Variants in RP1 observed in about 807,000 individuals in gnomAD.
RP1 encodes oxygen-regulated protein 1.
RP1 carries 16 observed loss-of-function variants against 14.8 expected under a neutral mutation model. The observed-to-expected ratio is 1.08, with a 90% CI of 0.73 to 1.65. The LOEUF (loss-of-function observed/expected upper bound fraction) is 1.65, where lower values mean the gene tolerates loss of function less well. Ranked by LOEUF, RP1 falls within the 40% of genes most tolerant of loss-of-function variation. The pLI, the probability that RP1 is intolerant of heterozygous loss-of-function variation, is 0.00. For missense variants in RP1, 2,631 were observed against 2,535.0 expected, an observed-to-expected ratio of 1.04 and a Z score of -0.81; for synonymous variants, 876 against 883.6, an observed-to-expected ratio of 0.99 and a Z score of 0.15.
intron 24 of RP1, among the ~76,000 whole-genome samples, chr8:54,800,217 C>T (rs1425860386): frequency 6.6e-6 from 1 of 150,816 alleles, no homozygotes; most frequent in Non-Finnish European, 1.5e-5. Context: ...AGTTCTTATC[C>T]TTCCCTCTAT....
intron 1 of RP1, among the ~76,000 whole-genome samples, chr8:54,590,537 C>T (rs1380200295): frequency 6.6e-6 from 1 of 152,190 alleles, no homozygotes; most frequent in East Asian, 1.9e-4. Flanking sequence ...TTGTTTTCCT[C>T]TTACCTTGTT....
intron 1 of RP1, among the ~76,000 whole-genome samples, chr8:54,590,791 CAGAT>C (rs1337732419): frequency 1.3e-5 from 2 of 152,200 alleles, no homozygotes; most frequent in African/African-American, 2.4e-5. Context: ...GCTTCAGACT[CAGAT>C]AGCCAACTGT....
At chr8:54,589,329 T>G (rs767608754) in intron 1 of RP1, among the ~76,000 whole-genome samples, 4 of 152,194 alleles carry the variant, frequency 2.6e-5, no homozygotes, top group Admixed American at 6.5e-5. Flanking sequence ...ATAATTTTTT[T>G]TGGGGGAGAG....
At chr8:54,831,009 A>G (rs1052738276) in intron 24 of RP1, among the ~76,000 whole-genome samples, 2 of 152,012 alleles carry the variant, frequency 1.3e-5, no homozygotes, top group Non-Finnish European at 2.9e-5. Context: ...TTTGAGTTTT[A>G]TCCATGTTGA....
chr8:54,846,316 A>G (rs1032026884), intron 25 of RP1, among the ~76,000 whole-genome samples: 1 of 152,210 alleles, frequency 6.6e-6, no homozygotes, highest in Non-Finnish European at 1.5e-5. Flanking sequence ...CATTGTTTTC[A>G]CCATGATGTG....
At chr8:54,603,311 T>C (rs1166118349) in intron 1 of RP1, among the ~76,000 whole-genome samples, 1 of 152,102 alleles carries the variant, frequency 6.6e-6, no homozygotes, top group Non-Finnish European at 1.5e-5. Context: ...TCCCCATTTC[T>C]TGTTTTTGTC....
chr8:54,588,177 G>T (rs1365059850), intron 1 of RP1, among the ~76,000 whole-genome samples: 1 of 152,176 alleles, frequency 6.6e-6, no homozygotes, highest in East Asian at 1.9e-4. Flanking sequence ...TAGGAAGCTG[G>T]TCCAACGGCA....
chr8:54,627,945 A>G lies in RP1; in HGVS notation c.4063A>G (p.Asn1355Asp), dbSNP rs1214605998. 2.5e-6 allele frequency: 4 copies of G among 1,614,044 alleles called. No individual in the cohort carries two copies. Among genetic ancestry groups the G allele is most frequent in the Middle Eastern group, 1.7e-4 (1 of 6,058 alleles). ...CTCCAAAGAAAACACATATACTGAT[A>G]ACTTGGATTCAACTGAAGAGTTAGA... is the stretch of plus-strand genomic sequence containing the variant. ...LNSKENTYTD[N>D]LDSTEELERG... Residue 1355 changes from asparagine (N) to aspartate (D), a missense_variant, in exon 4 of 4, where the codon AAC becomes GAC. Coordinates refer to ENST00000220676, the MANE Select transcript of RP1 (RefSeq NM_006269.2).
At chr8:54,823,813 T>C (rs535457648) in intron 24 of RP1, among the ~76,000 whole-genome samples, 1 of 152,202 alleles carries the variant, frequency 6.6e-6, no homozygotes, top group African/African-American at 2.4e-5. Flanking sequence ...CTGGGATAAA[T>C]TCCCAGGAAT....
intron 12 of RP1, among the ~76,000 whole-genome samples, chr8:54,681,890 T>C (rs1807441197): frequency 6.6e-6 from 1 of 152,204 alleles, no homozygotes; most frequent in Admixed American, 6.5e-5. Context: ...TTTTTATGGC[T>C]GCATAGTATT....
rs201534661 is a variant in RP1, at chr8:54,828,882, C to CTTTTTTT, written c.3616-8547_3616-8541dup. 4.8e-3 allele frequency among the ~76,000 whole-genome samples: 400 copies of CTTTTTTT among 83,952 alleles called. 15 individuals are homozygous for CTTTTTTT. The highest frequency in any genetic ancestry group is 5.9e-3 in the African/African-American group (122 of 20,782). The allele number at this position is 83,952 out of a possible 152,430, so 55.1% of individuals were successfully genotyped here. ...TTCTTTCTTCTTTCTTCTTCTTCTT[C>CTTTTTTT]TTTTTTTTTTTTTTTTTTTTTTTTT... On this transcript the variant is annotated intron_variant, in intron 24 of 28. Transcript: ENST00000637698.
intron 12 of RP1, among the ~76,000 whole-genome samples, chr8:54,686,130 G>A (rs1807558116): frequency 6.6e-6 from 1 of 152,188 alleles, no homozygotes; most frequent in African/African-American, 2.4e-5. Flanking sequence ...AAAAAGGCAG[G>A]TGGAGGATAA....
At chr8:54,672,234 C>G (rs895784150) in intron 7 of RP1, among the ~76,000 whole-genome samples, 1 of 152,132 alleles carries the variant, frequency 6.6e-6, no homozygotes, top group Admixed American at 6.6e-5. Context: ...TCTGCCATGG[C>G]TCCAAGTCAG....
chr8:54,601,288 G>A (rs1191533202), intron 1 of RP1, among the ~76,000 whole-genome samples: 2 of 148,068 alleles, frequency 1.4e-5, no homozygotes, highest in East Asian at 3.9e-4. Flanking sequence ...ATGTGGATAT[G>A]TAATTTTTTT....
At chr8:54,734,620 A>T (rs1808873221) in exon 18 of RP1, 1 of 1,535,790 alleles carries the variant, frequency 6.5e-7, no homozygotes, top group Non-Finnish European at 8.7e-7. Flanking sequence ...CTGACAGGAA[A>T]TACAGGAACT....
At chr8:54,656,685 A>C (rs917706248) in intron 6 of RP1, among the ~76,000 whole-genome samples, 1 of 151,446 alleles carries the variant, frequency 6.6e-6, no homozygotes, top group South Asian at 2.1e-4. Context: ...TATGGCTGAT[A>C]ATAGGCTCTT....
intron 1 of RP1, among the ~76,000 whole-genome samples, chr8:54,601,157 G>A (rs1324592773): frequency 6.6e-6 from 1 of 152,104 alleles, no homozygotes; most frequent in Non-Finnish European, 1.5e-5. Context: ...CTTGCATAAA[G>A]ACATGAAAAG....
chr8:54,641,416 A>C (rs1243736766), intron 3 of RP1, among the ~76,000 whole-genome samples: 1 of 152,202 alleles, frequency 6.6e-6, no homozygotes, highest in Non-Finnish European at 1.5e-5. Context: ...ATTAATTTCC[A>C]TTTATATAAT....
At chr8:54,576,452 C>T (rs951514656) in intron 1 of RP1, among the ~76,000 whole-genome samples, 1 of 152,224 alleles carries the variant, frequency 6.6e-6, no homozygotes, top group Admixed American at 6.5e-5. Context: ...TCTACTCTTG[C>T]ATTACTTACC....
Sources: gnomAD v4.1 joint callset for allele counts (sites outside exome capture counted in the v4.1 genomes callset) on GRCh38, gnomAD v4.1.1 for gene constraint, MANE v1.5 for transcripts, NCBI Gene and HGNC (gene_info 2026-07-23, HGNC 2026-07-21) for gene names.